Variants in WDR41 observed in about 807,000 individuals in gnomAD.
WDR41 encodes the protein WD repeat domain 41.
WDR41 carries 63 observed loss-of-function variants against 69.3 expected under a neutral mutation model. The ratio of observed to expected loss-of-function variants is 0.91; its 90% CI spans 0.74 to 1.12. The LOEUF (loss-of-function observed/expected upper bound fraction) is 1.12. WDR41 is among the 50% of genes most tolerant of loss of function. The pLI is 0.00. For missense variants in WDR41, 543 were observed against 534.5 expected (o/e 1.02, Z -0.16); for synonymous variants, 185 against 192.1 (o/e 0.96, Z 0.31).
At chr5:77,441,306 A>C (rs1234378389) in intron 8 of WDR41, among the ~76,000 whole-genome samples, 1 of 152,240 alleles carries the variant, frequency 6.6e-6, no homozygotes, top group Non-Finnish European at 1.5e-5. Flanking sequence ...ATACACCAAA[A>C]TAAGTTTCAA....
chr5:77,549,702 A>G (rs1743262866), intron 1 of WDR41, among the ~76,000 whole-genome samples: 1 of 152,186 alleles, frequency 6.6e-6, no homozygotes, highest in Admixed American at 6.5e-5. Context: ...GCCCAAAGCA[A>G]TCTATAAATT....
At chr5:77,473,523 G>A (rs2111995295) in intron 2 of WDR41, among the ~76,000 whole-genome samples, 1 of 151,890 alleles carries the variant, frequency 6.6e-6, no homozygotes, top group African/African-American at 2.4e-5. Flanking sequence ...CAGAATGGGA[G>A]AAAATTTTTG....
chr5:77,500,316 G>A (rs200099214), intron 1 of WDR41, among the ~76,000 whole-genome samples: 2 of 152,058 alleles, frequency 1.3e-5, no homozygotes, highest in East Asian at 3.8e-4. Context: ...AAACTCAGTG[G>A]ATGAACTAAT....
chr5:77,607,381 T>G (rs1030666319), intron 1 of WDR41, among the ~76,000 whole-genome samples: 8 of 152,234 alleles, frequency 5.3e-5, no homozygotes, highest in Non-Finnish European at 1.2e-4. Flanking sequence ...ATTTCCATAT[T>G]TTAAGCCTGG....
At chr5:77,616,930 T>C (rs1325878749) in intron 1 of WDR41, among the ~76,000 whole-genome samples, 1 of 152,230 alleles carries the variant, frequency 6.6e-6, no homozygotes, top group Non-Finnish European at 1.5e-5. Context: ...CATTAAAATC[T>C]AGATAGAAAT....
rs1280694711 is a variant in WDR41, at chr5:77,449,885, CAG to C, written c.587-17_587-16del. The C allele has an allele frequency of 9.7e-6, 15 of 1,554,118 alleles. No homozygotes were observed. The highest frequency in any genetic ancestry group is 1.3e-5 in the Non-Finnish European group (15 of 1,127,612). ...CCTGAAAATTACTAAATGAAAAAGACAGATAAAATTTTATTACAATGCTCTAA... is the reference window on the plus strand; with the variant it reads ...CCTGAAAATTACTAAATGAAAAAGACATAAAATTTTATTACAATGCTCTAA... On this transcript the variant is annotated splice_polypyrimidine_tract_variant and intron_variant, in intron 7 of 12. Transcript: ENST00000296679.
chr5:77,506,708 T>TA (rs1202082405), intron 1 of WDR41, among the ~76,000 whole-genome samples: 2 of 152,032 alleles, frequency 1.3e-5, no homozygotes, highest in Non-Finnish European at 2.9e-5. Context: ...CATGCAGCCA[T>TA]AAAAAAGGAT....
intron 2 of WDR41, among the ~76,000 whole-genome samples, chr5:77,485,287 A>G (rs1484016939): frequency 6.6e-6 from 1 of 152,174 alleles, no homozygotes; most frequent in Non-Finnish European, 1.5e-5. Context: ...GATCTAAACT[A>G]TACTGATTTC....
intron 5 of WDR41, 58 bp from the exon 6 acceptor site, chr5:77,453,986 T>C: frequency 7.3e-7 from 1 of 1,366,848 alleles, no homozygotes; most frequent in South Asian, 1.2e-5. Flanking sequence ...CATTGTTCAG[T>C]GGTTTAAAAA....
At chr5:77,602,485 A>G (rs1277969464) in intron 1 of WDR41, among the ~76,000 whole-genome samples, 1 of 152,090 alleles carries the variant, frequency 6.6e-6, no homozygotes, top group Non-Finnish European at 1.5e-5. Context: ...TAGCTCCCAC[A>G]TATGAGTGAG....
intron 2 of WDR41, among the ~76,000 whole-genome samples, chr5:77,475,174 A>G (rs450688): frequency 0.61 from 92,667 of 152,090 alleles, 29,979 homozygotes; most frequent in African/African-American, 0.83. Context: ...CTACGCCCAC[A>G]GAGTCTCGCT....
chr5:77,437,290 G>GA (rs1474604261), intron 11 of WDR41, 46 bp downstream of exon 11: 1 of 1,515,246 alleles, frequency 6.6e-7, no homozygotes, highest in Non-Finnish European at 9.1e-7. Flanking sequence ...TTTCACGTGA[G>GA]AAAAAAGGAG....
intron 1 of WDR41, among the ~76,000 whole-genome samples, chr5:77,508,750 G>T (rs1213984223): frequency 6.6e-6 from 1 of 151,990 alleles, no homozygotes; most frequent in East Asian, 1.9e-4. Context: ...GTTGTTGTTT[G>T]CTTGTGTACT....
chr5:77,528,257 T>C (rs768923975), intron 1 of WDR41, among the ~76,000 whole-genome samples: 11 of 151,670 alleles, frequency 7.3e-5, no homozygotes, highest in Non-Finnish European at 1.6e-4. Context: ...ATTAAAACAA[T>C]ATTAAGAGGT....
At chr5:77,565,145 T>C (rs1000739257) in intron 1 of WDR41, among the ~76,000 whole-genome samples, 3 of 152,052 alleles carry the variant, frequency 2.0e-5, no homozygotes, top group African/African-American at 7.2e-5. Flanking sequence ...GCCCCAGGCT[T>C]ACTGAATCAG....
chr5:77,463,071 C>A, intron 4 of WDR41, 24 bp downstream of exon 4: 1 of 1,608,986 alleles, frequency 6.2e-7, no homozygotes, highest in South Asian at 1.1e-5. Flanking sequence ...ACAGCTTGTT[C>A]ATTTCTTCCA....
In WDR41 at chr5:77,596,496, C is replaced by CT. The variant is rs542581634; in HGVS notation, c.42+23982dup. The stretch of plus-strand genomic sequence containing the variant: ...AAAAATTATTACTATTACTTTGAGA[C>CT]TTTTTTTTTTCAGTGCTTCATCAAA... On this transcript the variant is annotated intron_variant, in intron 1 of 5. Transcript: ENST00000509971. 8.4e-3 allele frequency among the ~76,000 whole-genome samples: 1,248 copies of CT among 149,188 alleles called. 7 individuals carry two copies. The highest frequency in any genetic ancestry group is 0.014 in the Non-Finnish European group (923 of 67,020).
At position 77,453,833 on chromosome 5, in the gene WDR41, G is replaced by C. The variant is rs753996694; in HGVS notation, c.507C>G (p.Ser169Arg). The change falls in exon 6 of 13, where the codon AGC becomes AGG. Residue 169 changes from serine (S) to arginine (R), a missense_variant. Transcript: ENST00000296679. The part of the protein sequence containing the change: ...NRKLDLLCKT[S>R]HLSDTGISAL... ...GTTTTTTACCTGTATCAGAAAGGTG[G>C]CTAGTCTTACACAGGAGATCTAATT... 1.9e-6 allele frequency: 3 copies of C among 1,613,672 alleles called. No homozygotes were observed. Among genetic ancestry groups the C allele is most frequent in the Non-Finnish European group, 2.5e-6 (3 of 1,179,694 alleles).
chr5:77,548,025 A>G (rs1743229163), intron 1 of WDR41, among the ~76,000 whole-genome samples: 1 of 152,234 alleles, frequency 6.6e-6, no homozygotes, highest in South Asian at 2.1e-4. Context: ...AAAAACATAA[A>G]GTGGGGAAAG....
Sources: gnomAD v4.1 joint callset for allele counts (sites outside exome capture counted in the v4.1 genomes callset) on GRCh38, gnomAD v4.1.1 for gene constraint, MANE v1.5 for transcripts, NCBI Gene and HGNC (gene_info 2026-07-23, HGNC 2026-07-21) for gene names.